The following CAMKMT variants were observed in gnomAD, a reference collection of about 807,000 sequenced individuals.
CAMKMT encodes the protein calmodulin-lysine N-methyltransferase.
A neutral mutation model predicts 48.0 loss-of-function variants in CAMKMT; 53 were observed. The observed-to-expected ratio is 1.10, with a 90% CI of 0.89 to 1.39. The LOEUF (loss-of-function observed/expected upper bound fraction) is 1.39. Ranked by LOEUF, CAMKMT falls within the 40% of genes most tolerant of loss-of-function variation. The probability of loss-of-function intolerance (pLI) is 0.00; values close to 1 mark genes in which losing one functional copy is unlikely to be tolerated. For synonymous variants in CAMKMT, 165 were observed against 152.3 expected (o/e 1.08, Z -0.61); for missense variants, 428 against 402.7 (o/e 1.06, Z -0.54).
At chr2:44,393,481 G>T (rs963112199) in intron 3 of CAMKMT, 1 of 152,082 alleles carries the variant, frequency 6.6e-6, no homozygotes, top group African/African-American at 2.4e-5. Flanking sequence ...TATTTACTAT[G>T]GTGGAAAACA....
chr2:44,763,347 A>C (rs1384078810), intron 9 of CAMKMT, among the ~76,000 whole-genome samples: 1 of 152,218 alleles, frequency 6.6e-6, no homozygotes, highest in African/African-American at 2.4e-5. Context: ...ACTCTGTAAA[A>C]GCTTCTCGGG....
At chr2:44,538,480 G>A (rs983846925) in intron 3 of CAMKMT, among the ~76,000 whole-genome samples, 2 of 152,062 alleles carry the variant, frequency 1.3e-5, no homozygotes, top group African/African-American at 4.8e-5. Flanking sequence ...GCAGCAACTT[G>A]GATTGAGTTG....
intron 3 of CAMKMT, among the ~76,000 whole-genome samples, chr2:44,420,509 A>C (rs991546024): frequency 6.6e-6 from 1 of 152,102 alleles, no homozygotes. Context: ...TTTATTGATG[A>C]AAATCCATGT....
chr2:44,724,743 T>C (rs1246233029), intron 7 of CAMKMT, among the ~76,000 whole-genome samples: 1 of 152,182 alleles, frequency 6.6e-6, no homozygotes, highest in Non-Finnish European at 1.5e-5. Context: ...AAGGGGAAAG[T>C]TGTATAGATA....
intron 1 of CAMKMT, among the ~76,000 whole-genome samples, chr2:44,370,471 T>G (rs772649168): frequency 2.2e-4 from 34 of 152,340 alleles, no homozygotes; most frequent in Non-Finnish European, 3.8e-4. Context: ...AATATCCCTT[T>G]ATTATTATTT....
chr2:44,750,439 G>C (rs1680104895), intron 8 of CAMKMT, among the ~76,000 whole-genome samples: 3 of 152,130 alleles, frequency 2.0e-5, no homozygotes. Context: ...TTACAGGTTT[G>C]AGCCACCGTG....
chr2:44,638,625 G>T (rs1021697905), intron 3 of CAMKMT, among the ~76,000 whole-genome samples: 1 of 152,076 alleles, frequency 6.6e-6, no homozygotes, highest in Non-Finnish European at 1.5e-5. Context: ...AAAATTGTAG[G>T]GTGCAACATA....
At chr2:44,739,000 G>A (rs1177913152) in intron 7 of CAMKMT, among the ~76,000 whole-genome samples, 1 of 152,198 alleles carries the variant, frequency 6.6e-6, no homozygotes, top group Non-Finnish European at 1.5e-5. Flanking sequence ...GAAAGCATAA[G>A]GAGGCCAGTG....
chr2:44,553,209 T>G (rs1024658575), intron 3 of CAMKMT, among the ~76,000 whole-genome samples: 17 of 152,206 alleles, frequency 1.1e-4, no homozygotes, highest in African/African-American at 3.4e-4. Flanking sequence ...CTGTTCACTG[T>G]TGACCCAGAA....
chr2:44,433,275 T>A (rs1381354382), intron 3 of CAMKMT, among the ~76,000 whole-genome samples: 1 of 152,196 alleles, frequency 6.6e-6, no homozygotes, highest in African/African-American at 2.4e-5. Context: ...AAGCAAGTAA[T>A]TGATTCAGGT....
chr2:44,568,775 C>A (rs897618937), intron 3 of CAMKMT, among the ~76,000 whole-genome samples: 17 of 152,084 alleles, frequency 1.1e-4, no homozygotes, highest in African/African-American at 4.1e-4. Flanking sequence ...ATGTGCAGCC[C>A]CTGCTTACAG....
intron 3 of CAMKMT, chr2:44,549,561 G>A (rs188201128): frequency 2.9e-6 from 2 of 693,346 alleles, no homozygotes; most frequent in Admixed American, 2.1e-5. Flanking sequence ...TTAGACACAG[G>A]GTCTCACTCT....
chr2:44,705,200 C>G (rs146220848), intron 4 of CAMKMT: 2,327 of 210,330 alleles, frequency 0.011, 20 homozygotes, highest in Admixed American at 0.015. Context: ...TTTAAACAAC[C>G]AAACACTCAT....
intron 3 of CAMKMT, among the ~76,000 whole-genome samples, chr2:44,532,099 C>T (rs921053906): frequency 6.6e-5 from 10 of 152,088 alleles, no homozygotes; most frequent in African/African-American, 1.4e-4. Context: ...TTTCTGAATA[C>T]GGCTACTTGC....
intron 3 of CAMKMT, among the ~76,000 whole-genome samples, chr2:44,565,635 G>A (rs1272051457): frequency 6.6e-6 from 1 of 151,750 alleles, no homozygotes; most frequent in Non-Finnish European, 1.5e-5. Flanking sequence ...ACAAAAAAAC[G>A]ATGCCTGGAT....
chr2:44,753,725 A>G (rs1229187761), intron 8 of CAMKMT, among the ~76,000 whole-genome samples: 1 of 152,206 alleles, frequency 6.6e-6, no homozygotes, highest in African/African-American at 2.4e-5. Flanking sequence ...CTAGGCTCTA[A>G]TGACAGGAAG....
At chr2:44,392,558 A>C (rs1202065549) in intron 3 of CAMKMT, among the ~76,000 whole-genome samples, 1 of 152,074 alleles carries the variant, frequency 6.6e-6, no homozygotes. Flanking sequence ...AGGGCGCCAC[A>C]ATCATAATTC....
chr2:44,770,144 A>G (rs2104411762), intron 10 of CAMKMT, among the ~76,000 whole-genome samples: 2 of 152,364 alleles, frequency 1.3e-5, no homozygotes, highest in East Asian at 3.9e-4. Flanking sequence ...GGTAAATGGA[A>G]TTATTCTTAA....
intron 3 of CAMKMT, among the ~76,000 whole-genome samples, chr2:44,432,610 G>A (rs545200848): frequency 6.6e-6 from 1 of 152,282 alleles, no homozygotes; most frequent in Non-Finnish European, 1.5e-5. Context: ...TGACTCAGCA[G>A]ATGATGATGA....
Sources: gnomAD v4.1 joint callset for allele counts (sites outside exome capture counted in the v4.1 genomes callset) on GRCh38, gnomAD v4.1.1 for gene constraint, MANE v1.5 for transcripts, NCBI Gene and HGNC (gene_info 2026-07-23, HGNC 2026-07-21) for gene names.